Variants in KCNG3 observed in about 807,000 individuals in gnomAD.
The protein encoded by KCNG3 is potassium voltage-gated channel modifier subfamily G member 3, also known as voltage-gated potassium channel regulatory subunit KCNG3.
A neutral mutation model predicts 29.0 loss-of-function variants in KCNG3; 15 were observed. That is an observed-to-expected ratio of 0.52 (90% CI 0.35 to 0.80). The LOEUF (loss-of-function observed/expected upper bound fraction) is 0.80, where lower values mean the gene tolerates loss of function less well. Among genes scored for constraint, KCNG3 ranks in the 30% least tolerant of loss-of-function variants. The probability of loss-of-function intolerance (pLI) is 0.01; values close to 1 mark genes in which losing one functional copy is unlikely to be tolerated. For missense variants in KCNG3, 512 were observed against 605.7 expected (o/e 0.85, Z 1.62); for synonymous variants, 322 against 248.9 (o/e 1.29, Z -2.76).
At position 42,458,633 on chromosome 2, in the gene KCNG3, G is replaced by C. The variant is rs185593662; in HGVS notation, c.666-14054C>G. 2.0e-5 allele frequency among the ~76,000 whole-genome samples: 3 copies of C among 152,160 alleles called. No homozygotes were observed. In the East Asian group the frequency reaches 5.8e-4, roughly 29 times the overall value. On this transcript the variant is annotated intron_variant, in intron 1 of 1. Transcript: ENST00000306078. The stretch of plus-strand genomic sequence containing the variant: ...CCCTTATCTTTTCTGACTCCTTTTG[G>C]CATAATTCAATATTCAACCCAAATA...
At chr2:42,464,863 C>T (rs927423252) in intron 1 of KCNG3, among the ~76,000 whole-genome samples, 10 of 152,046 alleles carry the variant, frequency 6.6e-5, no homozygotes, top group African/African-American at 2.2e-4. Flanking sequence ...TAAATTCAGC[C>T]GTCTGTCTCT....
At chr2:42,433,958 T>C in the KCNG3 span, among the ~76,000 whole-genome samples, 3 of 152,134 alleles carry the variant, frequency 2.0e-5, no homozygotes, top group African/African-American at 7.2e-5. Flanking sequence ...ACTTGTACAC[T>C]GAAAACTATA....
chr2:42,401,180 A>C, the KCNG3 span, among the ~76,000 whole-genome samples: 1 of 149,668 alleles, frequency 6.7e-6, no homozygotes, highest in Non-Finnish European at 1.5e-5. Context: ...ATACATGTTT[A>C]TATGTATACA....
intron 1 of KCNG3, among the ~76,000 whole-genome samples, chr2:42,447,560 T>C (rs1672631229): frequency 6.6e-6 from 1 of 151,968 alleles, no homozygotes; most frequent in Non-Finnish European, 1.5e-5. Flanking sequence ...CCGTCAACCA[T>C]GCTGGAGTGC....
At chr2:42,432,660 C>G in the KCNG3 span, among the ~76,000 whole-genome samples, 1 of 152,284 alleles carries the variant, frequency 6.6e-6, no homozygotes, top group South Asian at 2.1e-4. Flanking sequence ...GTCTGTGTGT[C>G]TCTATATCTT....
At position 42,444,803 on chromosome 2, in the gene KCNG3, T is replaced by C. The variant is rs994773950; in HGVS notation, c.666-224A>G. On this transcript the variant is annotated intron_variant, in intron 1 of 1. Transcript: ENST00000306078. This position sits in a 1 kb window ranked among gnomAD's most constrained non-coding sequence, Gnocchi z 5.8. ...GAGACCAGGTGCAGTGGCTCATGCA[T>C]GTAATCCCAGGTCTTTGGAAGGCTG... 3.3e-5 allele frequency among the ~76,000 whole-genome samples: 5 copies of C among 151,996 alleles called. No individual in the cohort carries two copies. The highest frequency in any genetic ancestry group is 5.9e-5 in the Non-Finnish European group (4 of 68,004).
chr2:42,449,301 CAT>C (rs1410778795), intron 1 of KCNG3, among the ~76,000 whole-genome samples: 1 of 151,870 alleles, frequency 6.6e-6, no homozygotes, highest in East Asian at 1.9e-4. Flanking sequence ...TATTTTATGA[CAT>C]GTACAAATTA....
chr2:42,452,269 A>T (rs1012369710), intron 1 of KCNG3, among the ~76,000 whole-genome samples: 1 of 116,810 alleles, frequency 8.6e-6, no homozygotes, highest in Non-Finnish European at 1.9e-5. Flanking sequence ...TAAAGGAAAC[A>T]GAATTTTGCT....
chr2:42,419,926 A>G, the KCNG3 span, among the ~76,000 whole-genome samples: 1 of 152,026 alleles, frequency 6.6e-6, no homozygotes, highest in African/African-American at 2.4e-5. Context: ...CATAATCTAC[A>G]TAAAATGAGG....
chr2:42,483,561 C>T (rs1365724741), intron 1 of KCNG3, among the ~76,000 whole-genome samples: 1 of 152,170 alleles, frequency 6.6e-6, no homozygotes, highest in Non-Finnish European at 1.5e-5. Context: ...GGATAAAGTA[C>T]CTAAATCTCA....
chr2:42,473,141 C>T (rs1456060392), intron 1 of KCNG3, among the ~76,000 whole-genome samples: 8 of 151,860 alleles, frequency 5.3e-5, no homozygotes, highest in Non-Finnish European at 1.2e-4. Context: ...CATGATCCAC[C>T]TGCCTCGGCC....
At chr2:42,420,958 C>T in the KCNG3 span, among the ~76,000 whole-genome samples, 1 of 152,258 alleles carries the variant, frequency 6.6e-6, no homozygotes, top group South Asian at 2.1e-4. Context: ...CCCAGACCAC[C>T]CATTGCTCAA....
chr2:42,483,782 A>G (rs1673649699), intron 1 of KCNG3, among the ~76,000 whole-genome samples: 1 of 152,204 alleles, frequency 6.6e-6, no homozygotes, highest in African/African-American at 2.4e-5. Flanking sequence ...ACTAATATGA[A>G]AAGAGTTTCT....
rs1015395469 is a variant in KCNG3 at position 42,442,855 on chromosome 2, T to C, written c.*1079A>G. ...AGCTGTGATTCACAATAGTTAAAGA[T>C]CAGATCAAATCATTATGTATCCATC... On this transcript the variant is annotated 3_prime_UTR_variant, in exon 2 of 2. Coordinates refer to ENST00000306078, the MANE Select transcript of KCNG3 (RefSeq NM_133329.6). The C allele has an allele frequency of 5.3e-5, 8 of 152,164 alleles. No homozygotes were observed. The highest frequency in any genetic ancestry group is 1.4e-4 in the African/African-American group (6 of 41,438). 9.4% of individuals were successfully genotyped at this position (152,164 alleles called of 1,614,324 possible).
At chr2:42,455,604 C>T (rs1294647160) in intron 1 of KCNG3, among the ~76,000 whole-genome samples, 1 of 152,106 alleles carries the variant, frequency 6.6e-6, no homozygotes, top group Middle Eastern at 3.4e-3. Flanking sequence ...CTCATCTTTA[C>T]TAAAAATTTT....
chr2:42,481,553 C>G (rs1031729953), intron 1 of KCNG3, among the ~76,000 whole-genome samples: 1 of 152,158 alleles, frequency 6.6e-6, no homozygotes, highest in African/African-American at 2.4e-5. Flanking sequence ...CCTCAAAACC[C>G]ACATTCAGAT....
At chr2:42,399,453 C>G in the KCNG3 span, among the ~76,000 whole-genome samples, 1 of 152,162 alleles carries the variant, frequency 6.6e-6, no homozygotes, top group African/African-American at 2.4e-5. Context: ...AGCTTCAATT[C>G]TAATCTTCAG....
At chr2:42,405,991 C>T in the KCNG3 span, among the ~76,000 whole-genome samples, 1 of 152,190 alleles carries the variant, frequency 6.6e-6, no homozygotes, top group African/African-American at 2.4e-5. Flanking sequence ...GATCCACCTG[C>T]CTCAGCCTCC....
In KCNG3 at chr2:42,444,564, G is replaced by A. The variant is rs755524295; in HGVS notation, c.681C>T (p.Ile227=). ...GREPSGIIEA[I]CIGWFTAECI... ...ACTCGGCAGTGAACCAACCTATGCA[G>A]ATAGCTTCAATTATCCTGTCAAGAG... Residue 227 remains isoleucine (I), a synonymous_variant, in exon 2 of 2, where the codon ATC becomes ATT. Transcript: ENST00000306078. The surrounding 1 kb of genome is among the most constrained non-coding windows in gnomAD (Gnocchi z 5.8). 6.2e-7 allele frequency: 1 copy of A among 1,606,846 alleles called. No individual in the cohort carries two copies. The highest frequency in any genetic ancestry group is 1.3e-5 in the African/African-American group (1 of 74,792).
Sources: gnomAD v4.1 joint callset for allele counts (sites outside exome capture counted in the v4.1 genomes callset) on GRCh38, gnomAD v4.1.1 for gene constraint, Gnocchi (gnomAD v3.1) non-coding constraint, MANE v1.5 for transcripts, NCBI Gene and HGNC (gene_info 2026-07-23, HGNC 2026-07-21) for gene names.